RFX2: variants seen among roughly 807,000 people sequenced by gnomAD.
RFX2 encodes the protein regulatory factor X2.
Under a neutral mutation model 87.8 loss-of-function variants are expected in RFX2, and 20 were observed. The ratio of observed to expected loss-of-function variants is 0.23; its 90% CI spans 0.16 to 0.33. RFX2 has a LOEUF of 0.33. Among genes scored for constraint, RFX2 ranks in the 10% least tolerant of loss-of-function variants. The pLI is 1.00. For missense variants in RFX2, 767 were observed against 1,012.3 expected, an observed-to-expected ratio of 0.76 and a Z score of 3.29; for synonymous variants, 397 against 431.3, an observed-to-expected ratio of 0.92 and a Z score of 0.98.
intron 1 of RFX2, among the ~76,000 whole-genome samples, chr19:6,092,922 C>T (rs879543603): frequency 1.3e-5 from 2 of 151,812 alleles, no homozygotes; most frequent in East Asian, 3.9e-4. Flanking sequence ...AGGAGTGGGA[C>T]GGGGACTTAG....
chr19:6,007,834 G>T lies in RFX2; in HGVS notation c.1135-32C>A, dbSNP rs1338208402. The T allele has an allele frequency of 1.4e-6, 2 of 1,411,212 alleles. No homozygotes were observed. Among genetic ancestry groups the T allele is most frequent in the South Asian group, 2.5e-5 (2 of 81,332 alleles). The allele number at this position is 1,411,212 out of a possible 1,614,324, so 87.4% of individuals were successfully genotyped here. A position where few individuals can be genotyped will look rare whatever the true frequency, so the allele number is the denominator to read the frequency against. Reference sequence around the variant, plus strand: ...ATGAAGGGACCGGTGAGACAGACGGGTGCGTGCGCCCATCACGTGCACTCA... The same window carrying T: ...ATGAAGGGACCGGTGAGACAGACGGTTGCGTGCGCCCATCACGTGCACTCA... On this transcript the variant is annotated intron_variant, in intron 10 of 17. Coordinates refer to ENST00000303657, the MANE Select transcript of RFX2 (RefSeq NM_000635.4). The surrounding 1 kb of genome is among the most constrained non-coding windows in gnomAD (Gnocchi z 8.2).
chr19:6,010,074 G>C lies in RFX2; in HGVS notation c.1015+62C>G, dbSNP rs2086640022. Reference sequence around the variant, plus strand: ...AGACACCACTGGTTCTGCTGGTGTTGAAACCCAGGAGTGTGGCGAGCAGAT... The same window carrying C: ...AGACACCACTGGTTCTGCTGGTGTTCAAACCCAGGAGTGTGGCGAGCAGAT... On this transcript the variant is annotated intron_variant, in intron 9 of 17. Coordinates refer to ENST00000303657, the MANE Select transcript of RFX2 (RefSeq NM_000635.4). This position sits in a 1 kb window ranked among gnomAD's most constrained non-coding sequence, Gnocchi z 5.0. 2.9e-6 allele frequency: 3 copies of C among 1,051,426 alleles called. No individual in the cohort carries two copies. Among genetic ancestry groups the C allele is most frequent in the South Asian group, 1.4e-5 (1 of 69,964 alleles). The allele number at this position is 1,051,426 out of a possible 1,614,324, so 65.1% of individuals were successfully genotyped here. A position where few individuals can be genotyped will look rare whatever the true frequency, so the allele number is the denominator to read the frequency against.
chr19:6,075,185 C>G (rs1227603012), intron 1 of RFX2, among the ~76,000 whole-genome samples: 2 of 152,090 alleles, frequency 1.3e-5, no homozygotes, highest in African/African-American at 4.8e-5. Context: ...TTTACAGCCA[C>G]CCAGTCTATG....
chr19:6,035,342 T>C (rs1269798189), intron 5 of RFX2, among the ~76,000 whole-genome samples: 1 of 151,798 alleles, frequency 6.6e-6, no homozygotes, highest in East Asian at 1.9e-4. Context: ...AAAAAGGAGG[T>C]TCCACTTGGG....
Position 6,044,404 on chromosome 19 carries a change from A to T in RFX2, c.91-122T>A. 2 of 592,562 alleles carry T rather than the reference A, an allele frequency of 3.4e-6. No individual in the cohort carries two copies. The highest frequency in any genetic ancestry group is 5.3e-6 in the Non-Finnish European group (2 of 373,960). The allele number at this position is 592,562 out of a possible 1,614,324, so 36.7% of individuals were successfully genotyped here. A position where few individuals can be genotyped will look rare whatever the true frequency, so the allele number is the denominator to read the frequency against. ...TTTTATTAAAACATAGGCAGGACTG[A>T]TCAGAGGCGACGGCGGGGTGATGGT... On this transcript the variant is annotated intron_variant, in intron 2 of 17. Transcript: ENST00000303657. This position sits in a 1 kb window ranked among gnomAD's most constrained non-coding sequence, Gnocchi z 5.3.
In RFX2 at chr19:6,076,749, A is replaced by T. The variant is rs75295812; in HGVS notation, c.-8-29245T>A. On this transcript the variant is annotated intron_variant, in intron 1 of 17. Coordinates refer to ENST00000303657, the MANE Select transcript of RFX2 (RefSeq NM_000635.4). ...TTTGCAGATTTAAATATCTGAAACTAAAAGCAGTTATGCTGTTTGCTATTT... is the reference window on the plus strand; with the variant it reads ...TTTGCAGATTTAAATATCTGAAACTTAAAGCAGTTATGCTGTTTGCTATTT... 3.8e-3 allele frequency among the ~76,000 whole-genome samples: 579 copies of T among 152,362 alleles called. 3 individuals are homozygous for T. Among genetic ancestry groups the T allele is most frequent in the African/African-American group, 0.013 (554 of 41,584 alleles).
chr19:6,032,770 C>A (rs937394986), intron 5 of RFX2, among the ~76,000 whole-genome samples: 2 of 152,118 alleles, frequency 1.3e-5, no homozygotes, highest in Non-Finnish European at 2.9e-5. Context: ...TTGTGGCTAT[C>A]TTTCTGAACC....
rs750561117 is a variant in RFX2 at position 5,997,010 on chromosome 19, C to T, written c.2013+50G>A. 1.7e-5 allele frequency: 27 copies of T among 1,565,692 alleles called. No individual in the cohort carries two copies. In the South Asian group the frequency reaches 2.7e-4, roughly 16 times the overall value. On this transcript the variant is annotated intron_variant, in intron 16 of 17. Transcript: ENST00000303657. This position sits in a 1 kb window ranked among gnomAD's most constrained non-coding sequence, Gnocchi z 4.2. ...GGCTGCTCAGAGCACACCGCCCTCT[C>T]CCCACAGGCCCGGCCAAGCCCCGGC...
rs1200174520 is a variant in RFX2, at chr19:6,039,299, G to C, written c.522+681C>G. Among the ~76,000 whole-genome samples the C allele has an allele frequency of 6.6e-6, 1 of 152,194 alleles. No homozygotes were observed. Among genetic ancestry groups the C allele is most frequent in the Non-Finnish European group, 1.5e-5 (1 of 68,032 alleles). Reference sequence around the variant, plus strand: ...GGGAACAGATCAGCAGTTGCCAAGGGCTGGGGATGGGGGAGGTTGTGACTG... The same window carrying C: ...GGGAACAGATCAGCAGTTGCCAAGGCCTGGGGATGGGGGAGGTTGTGACTG... On this transcript the variant is annotated intron_variant, in intron 5 of 17. Coordinates refer to ENST00000303657, the MANE Select transcript of RFX2 (RefSeq NM_000635.4). The surrounding 1 kb of genome is among the most constrained non-coding windows in gnomAD (Gnocchi z 5.2).
At chr19:6,038,582 A>G (rs941585331) in intron 5 of RFX2, among the ~76,000 whole-genome samples, 1 of 152,168 alleles carries the variant, frequency 6.6e-6, no homozygotes, top group African/African-American at 2.4e-5. Flanking sequence ...TGCAAGTCAC[A>G]TATCTGACAG....
At chr19:6,071,435 C>T (rs925051934) in intron 1 of RFX2, among the ~76,000 whole-genome samples, 2 of 152,102 alleles carry the variant, frequency 1.3e-5, no homozygotes, top group African/African-American at 4.8e-5. Context: ...TGGCCCGGGA[C>T]AGAAAATCAA....
At chr19:6,094,899 C>G (rs182727077) in intron 1 of RFX2, among the ~76,000 whole-genome samples, 2,374 of 152,072 alleles carry the variant, frequency 0.016, 62 homozygotes, top group African/African-American at 0.054. Flanking sequence ...GAGGCTGAGG[C>G]GGGTGGATCA....
At position 6,056,834 on chromosome 19, in the gene RFX2, T is replaced by G. The variant is rs1292765978; in HGVS notation, c.-8-9330A>C. Among the ~76,000 whole-genome samples the G allele has an allele frequency of 6.6e-6, 1 of 152,184 alleles. No individual in the cohort carries two copies. The highest frequency in any genetic ancestry group is 1.5e-5 in the Non-Finnish European group (1 of 68,022). On this transcript the variant is annotated intron_variant, in intron 1 of 17. Transcript: ENST00000303657. This position sits in a 1 kb window ranked among gnomAD's most constrained non-coding sequence, Gnocchi z 4.6. ...TTTGACTGCCTTCCCCTGTGTCCTC[T>G]TAGACTGGGTTACAGGAGCCTCGGA...
At chr19:6,018,853 G>A (rs1449664063) in intron 6 of RFX2, among the ~76,000 whole-genome samples, 4 of 152,174 alleles carry the variant, frequency 2.6e-5, no homozygotes, top group African/African-American at 4.8e-5. Context: ...GGTAAGTCCC[G>A]TGGCCAAACA....
Position 6,063,463 on chromosome 19 carries a change from G to C in RFX2, c.-8-15959C>G, listed in dbSNP as rs550881981. Among the ~76,000 whole-genome samples the C allele has an allele frequency of 4.6e-4, 70 of 152,296 alleles. No homozygotes were observed. The highest frequency in any genetic ancestry group is 1.7e-3 in the African/African-American group (70 of 41,542). Reference sequence around the variant, plus strand: ...ACACAACGCAGGGAGGGTGAGGATGGGGTCCATGCACCTGCCAGGGTGGGG... The same window carrying C: ...ACACAACGCAGGGAGGGTGAGGATGCGGTCCATGCACCTGCCAGGGTGGGG... On this transcript the variant is annotated intron_variant, in intron 1 of 17. Transcript: ENST00000303657. This position sits in a 1 kb window ranked among gnomAD's most constrained non-coding sequence, Gnocchi z 4.0.
chr19:6,010,211 C>T lies in RFX2; in HGVS notation c.940G>A (p.Gly314Ser), dbSNP rs202155693. The T allele has an allele frequency of 5.6e-5, 86 of 1,548,432 alleles. No individual in the cohort carries two copies. The highest frequency in any genetic ancestry group is 6.6e-5 in the Non-Finnish European group (76 of 1,146,970). ...AQKTDSLGDSGSHSGLHSTPE... is the reference protein window; with the variant it reads ...AQKTDSLGDSSSHSGLHSTPE... ...GTGCTGTGCAGGCCGCTGTGGGAGC[C>T]GCTGTCCCCGAGGCTGTCCGTCTTC... Residue 314 changes from glycine (G) to serine (S), a missense_variant, in exon 9 of 18, where the codon GGC (glycine) becomes AGC (serine). Gly to Ser is a moderately conservative substitution (Grantham distance 56). This residue lies in a region of RFX2 where 621 missense variants were observed against 873.0 expected (regional missense o/e 0.71). Transcript: ENST00000303657. This position sits in a 1 kb window ranked among gnomAD's most constrained non-coding sequence, Gnocchi z 5.0.
At chr19:6,067,544 G>T (rs2087531665) in intron 1 of RFX2, among the ~76,000 whole-genome samples, 2 of 152,196 alleles carry the variant, frequency 1.3e-5, no homozygotes, top group Admixed American at 1.3e-4. Context: ...CACATGGTTG[G>T]GCAATCTCGA....
In RFX2 at chr19:6,102,422, C is replaced by A. The variant is rs1020967812; in HGVS notation, c.-9+7971G>T. Among the ~76,000 whole-genome samples, 3 of 152,220 alleles carry A rather than the reference C, an allele frequency of 2.0e-5. No individual in the cohort carries two copies. The South Asian group carries it at 6.2e-4, about 31-fold the overall frequency. On this transcript the variant is annotated intron_variant, in intron 1 of 17. Coordinates refer to ENST00000303657, the MANE Select transcript of RFX2 (RefSeq NM_000635.4). ...GAAGATTGTATGAATGAATGATGAA[C>A]AAATGTCAGGAGTCTGAAAAGCAGG...
chr19:6,024,627 C>T lies in RFX2; in HGVS notation c.597+1536G>A, dbSNP rs2086861245. The stretch of plus-strand genomic sequence containing the variant: ...AACCCAGGTTTCTGGACCTGTCCTA[C>T]ATCACTTTCTGCCCCCAGAATCACT... On this transcript the variant is annotated intron_variant, in intron 6 of 17. Coordinates refer to ENST00000303657, the MANE Select transcript of RFX2 (RefSeq NM_000635.4). The surrounding 1 kb of genome is among the most constrained non-coding windows in gnomAD (Gnocchi z 5.0). 6.6e-6 allele frequency among the ~76,000 whole-genome samples: 1 copy of T among 152,234 alleles called. No individual in the cohort carries two copies. Among genetic ancestry groups the T allele is most frequent in the African/African-American group, 2.4e-5 (1 of 41,458 alleles).
Sources: gnomAD v4.1 joint callset for allele counts (sites outside exome capture counted in the v4.1 genomes callset) on GRCh38, gnomAD v4.1.1 for gene constraint, gnomAD v4.1.1 regional missense constraint, Gnocchi (gnomAD v3.1) non-coding constraint, MANE v1.5 for transcripts, NCBI Gene and HGNC (gene_info 2026-07-23, HGNC 2026-07-21) for gene names.